The following HTR3B variants were observed in gnomAD, a reference collection of about 807,000 sequenced individuals.
The protein encoded by HTR3B is 5-hydroxytryptamine (serotonin) receptor 3B, ionotropic.
A neutral mutation model predicts 42.8 loss-of-function variants in HTR3B; 44 were observed. The ratio of observed to expected loss-of-function variants is 1.03; its 90% CI spans 0.81 to 1.32. HTR3B has a LOEUF of 1.32. Ranked by LOEUF, HTR3B falls within the 40% of genes most tolerant of loss-of-function variation. The pLI is 0.00. For missense variants in HTR3B, 527 were observed against 536.5 expected (o/e 0.98, Z 0.17); for synonymous variants, 203 against 209.0 (o/e 0.97, Z 0.25).
rs558354230 is a variant in HTR3B at position 113,920,887 on chromosome 11, A to G, written c.214-10497A>G. ...GAGTGCACTGGTGCAATCTCGGCTCACTGCAACCTCTGCCTCCTGGGTTCA... is the reference window on the plus strand; with the variant it reads ...GAGTGCACTGGTGCAATCTCGGCTCGCTGCAACCTCTGCCTCCTGGGTTCA... On this transcript the variant is annotated intron_variant, in intron 2 of 8. Coordinates refer to ENST00000260191, the MANE Select transcript of HTR3B (RefSeq NM_006028.5). Among the ~76,000 whole-genome samples the G allele has an allele frequency of 9.9e-5, 15 of 151,878 alleles. No individual in the cohort carries two copies. The South Asian group carries it at 3.1e-3, about 32-fold the overall frequency.
chr11:113,913,034 T>C (rs146364254), intron 2 of HTR3B, among the ~76,000 whole-genome samples: 1,831 of 149,214 alleles, frequency 0.012, 9 homozygotes, highest in Non-Finnish European at 0.02. Flanking sequence ...AATATAGTAA[T>C]TACATAATAC....
intron 2 of HTR3B, among the ~76,000 whole-genome samples, chr11:113,910,833 C>T (rs1318331938): frequency 1.4e-5 from 2 of 140,354 alleles, no homozygotes; most frequent in South Asian, 2.2e-4. Flanking sequence ...GTTTTCTTTT[C>T]TTTTTTTTTT....
chr11:113,910,424 T>C (rs1469442037), intron 2 of HTR3B, among the ~76,000 whole-genome samples: 1 of 150,336 alleles, frequency 6.7e-6, no homozygotes, highest in African/African-American at 2.5e-5. Context: ...GGTCCCAGAG[T>C]TATTTTGATT....
intron 6 of HTR3B, among the ~76,000 whole-genome samples, chr11:113,940,190 C>T (rs1406560153): frequency 6.6e-6 from 1 of 152,114 alleles, no homozygotes; most frequent in Non-Finnish European, 1.5e-5. Context: ...CCTGGCCTGT[C>T]CCCTTGATTT....
upstream of HTR3B, among the ~76,000 whole-genome samples, chr11:113,902,979 C>T (rs920922348): frequency 6.6e-6 from 1 of 151,998 alleles, no homozygotes; most frequent in Non-Finnish European, 1.5e-5. Flanking sequence ...AGTGATCCTC[C>T]TGCCTCAGCC....
chr11:113,905,087 GT>G, intron 1 of HTR3B, 102 bp downstream of exon 1: 2 of 785,640 alleles, frequency 2.5e-6, no homozygotes, highest in Non-Finnish European at 4.2e-6. Flanking sequence ...AGGCATGTTT[GT>G]TTTTATTCAT....
chr11:113,931,255 G>A lies in HTR3B; in HGVS notation c.214-129G>A, dbSNP rs1223515925. The A allele has an allele frequency of 4.3e-6, 3 of 697,038 alleles. 1 individual carries two copies. The highest frequency in any genetic ancestry group is 7.6e-6 in the Non-Finnish European group (3 of 396,924). 43.2% of individuals were successfully genotyped at this position (697,038 alleles called of 1,614,324 possible). The stretch of plus-strand genomic sequence containing the variant: ...AATGCCTAGGTATTGAAGAGTCTAG[G>A]TAATGTTTTTAATATCAGCATTATT... On this transcript the variant is annotated intron_variant, in intron 2 of 8. Transcript: ENST00000260191.
chr11:113,913,090 G>A (rs551801996), intron 2 of HTR3B, among the ~76,000 whole-genome samples: 2 of 150,000 alleles, frequency 1.3e-5, no homozygotes, highest in African/African-American at 2.4e-5. Flanking sequence ...CTGTGTCTTC[G>A]CTATTCATTT....
chr11:113,923,622 A>G (rs1949937370), intron 2 of HTR3B, among the ~76,000 whole-genome samples: 1 of 152,216 alleles, frequency 6.6e-6, no homozygotes, highest in Non-Finnish European at 1.5e-5. Context: ...AGATCTAAAT[A>G]GACTCCCTCT....
chr11:113,917,289 C>T (rs936607834), intron 2 of HTR3B, among the ~76,000 whole-genome samples: 19 of 152,140 alleles, frequency 1.2e-4, no homozygotes, highest in East Asian at 5.8e-4. Flanking sequence ...CCTGCCACCA[C>T]GCCCAGCTAA....
At chr11:113,924,715 G>A (rs1021760294) in intron 2 of HTR3B, among the ~76,000 whole-genome samples, 13 of 148,512 alleles carry the variant, frequency 8.8e-5, no homozygotes, top group African/African-American at 2.5e-4. Flanking sequence ...CAGGACTCCC[G>A]TTGAGCCAGT....
intron 6 of HTR3B, among the ~76,000 whole-genome samples, chr11:113,937,530 A>G (rs1366794748): frequency 2.0e-5 from 3 of 152,198 alleles, no homozygotes; most frequent in South Asian, 4.1e-4. Context: ...GCCAAGCACC[A>G]TTTTAAAGTT....
chr11:113,921,470 A>C (rs1949912334), intron 2 of HTR3B, among the ~76,000 whole-genome samples: 2 of 150,288 alleles, frequency 1.3e-5, no homozygotes, highest in Admixed American at 1.3e-4. Context: ...GATAAAGAAA[A>C]TTGCTGGCCG....
chr11:113,937,251 C>T (rs905100474), intron 6 of HTR3B, among the ~76,000 whole-genome samples: 2 of 152,134 alleles, frequency 1.3e-5, no homozygotes, highest in Non-Finnish European at 2.9e-5. Context: ...GCAGAGAGGT[C>T]GCCCTCAGAA....
At chr11:113,919,328 A>G (rs564181298) in intron 2 of HTR3B, among the ~76,000 whole-genome samples, 23 of 152,268 alleles carry the variant, frequency 1.5e-4, no homozygotes, top group Admixed American at 1.2e-3. Context: ...TCAATTTTAC[A>G]TTTACATACA....
In HTR3B at chr11:113,931,411, A is replaced by G; in HGVS notation, c.241A>G (p.Ser81Gly). 6.3e-7 allele frequency: 1 copy of G among 1,599,988 alleles called. No homozygotes were observed. The highest frequency in any genetic ancestry group is 8.5e-7 in the Non-Finnish European group (1 of 1,171,344). The change falls in exon 3 of 9, where the codon AGT (serine) becomes GGT (glycine). Residue 81 changes from serine (S) to glycine (G), a missense_variant. Ser to Gly is a moderately conservative substitution (Grantham distance 56, BLOSUM62 0). Coordinates refer to ENST00000260191, the MANE Select transcript of HTR3B (RefSeq NM_006028.5). ...TGCAGAGAATCAAATATTAAAGACAAGTGTATGGTACCAAGAGGTAAATAA... is the reference window on the plus strand; with the variant it reads ...TGCAGAGAATCAAATATTAAAGACAGGTGTATGGTACCAAGAGGTAAATAA... The part of the protein sequence containing the change: ...VDAENQILKT[S>G]VWYQEVWNDE...
chr11:113,925,310 A>G (rs1949958617), intron 2 of HTR3B, among the ~76,000 whole-genome samples: 2 of 151,866 alleles, frequency 1.3e-5, no homozygotes, highest in African/African-American at 4.8e-5. Context: ...AAACACTTTC[A>G]TTTACTGAAA....
chr11:113,918,511 T>G (rs1003255211), intron 2 of HTR3B, among the ~76,000 whole-genome samples: 1 of 152,148 alleles, frequency 6.6e-6, no homozygotes. Context: ...TACAATATAC[T>G]ACCTTTGAGA....
At chr11:113,944,454 T>C (rs957461563) in intron 7 of HTR3B, 119 bp from the exon 8 acceptor site, 3 of 864,502 alleles carry the variant, frequency 3.5e-6, no homozygotes, top group Non-Finnish European at 5.5e-6. Flanking sequence ...TGAGCCATGA[T>C]TGCACCACTG....
Sources: allele counts gnomAD v4.1 joint callset (sites outside exome capture counted in the v4.1 genomes callset), GRCh38; gene constraint gnomAD v4.1.1; transcripts MANE v1.5; gene names NCBI Gene and HGNC (gene_info 2026-07-23, HGNC 2026-07-21).